Variants in ATG7 observed in about 807,000 individuals in gnomAD.
ATG7 encodes the protein ubiquitin-like modifier-activating enzyme ATG7.
In ATG7, 70 loss-of-function variants were observed where a neutral mutation model predicts 82.4. The ratio of observed to expected loss-of-function variants is 0.85; its 90% CI spans 0.70 to 1.04. The LOEUF is 1.04. ATG7 is among the 50% of genes least tolerant of loss of function. The probability of loss-of-function intolerance (pLI) is 0.00; values close to 1 mark genes in which losing one functional copy is unlikely to be tolerated. For missense variants in ATG7, 792 were observed against 864.3 expected (o/e 0.92, Z 1.05); for synonymous variants, 287 against 313.0 (o/e 0.92, Z 0.88).
intron 19 of ATG7, among the ~76,000 whole-genome samples, chr3:11,383,357 G>T (rs181325445): frequency 2.6e-5 from 4 of 152,150 alleles, no homozygotes; most frequent in Admixed American, 1.3e-4. Flanking sequence ...CCTATGATTC[G>T]ATTCAGGTTA....
intron 19 of ATG7, among the ~76,000 whole-genome samples, chr3:11,426,278 A>G (rs1305197821): frequency 2.0e-5 from 3 of 151,960 alleles, no homozygotes; most frequent in African/African-American, 7.3e-5. Context: ...CATATCAACT[A>G]CTCATGCCAT....
At chr3:11,431,893 C>T (rs1476112529) in intron 20 of ATG7, among the ~76,000 whole-genome samples, 1 of 152,168 alleles carries the variant, frequency 6.6e-6, no homozygotes, top group African/African-American at 2.4e-5. Flanking sequence ...AATTGGAAGC[C>T]ATATCCAAGC....
intron 19 of ATG7, among the ~76,000 whole-genome samples, chr3:11,384,371 C>G (rs541774003): frequency 6.6e-6 from 1 of 152,316 alleles, no homozygotes; most frequent in South Asian, 2.1e-4. Flanking sequence ...GAAACCTGAT[C>G]TTGAGATTTC....
intron 20 of ATG7, among the ~76,000 whole-genome samples, chr3:11,434,405 C>G (rs565888935): frequency 2.6e-4 from 39 of 152,270 alleles, no homozygotes; most frequent in African/African-American, 7.0e-4. Flanking sequence ...CCAGAGCCTT[C>G]TGCTAGCTCA....
chr3:11,388,979 G>A (rs1412852211), intron 19 of ATG7, among the ~76,000 whole-genome samples: 9 of 151,972 alleles, frequency 5.9e-5, no homozygotes, highest in Non-Finnish European at 5.9e-5. Flanking sequence ...CTGGCATGGT[G>A]GTTCACACCT....
At chr3:11,426,063 C>T (rs561881244) in intron 19 of ATG7, among the ~76,000 whole-genome samples, 2 of 140,200 alleles carry the variant, frequency 1.4e-5, no homozygotes, top group Admixed American at 7.0e-5. Context: ...TCATGAATAG[C>T]GCTGCTGTGG....
intron 19 of ATG7, among the ~76,000 whole-genome samples, chr3:11,415,550 T>A (rs1164463672): frequency 6.6e-6 from 1 of 152,212 alleles, no homozygotes; most frequent in Non-Finnish European, 1.5e-5. Context: ...TTTTTTCCTT[T>A]AAAAATTTTT....
chr3:11,445,920 C>T (rs2084505098), intron 20 of ATG7, among the ~76,000 whole-genome samples: 1 of 152,068 alleles, frequency 6.6e-6, no homozygotes, highest in African/African-American at 2.4e-5. Flanking sequence ...ATGTATATTA[C>T]TTATTTGGAT....
chr3:11,340,730 TAAA>T lies in ATG7; in HGVS notation c.977_979del (p.Lys326del). ...TGAACCTCAGTGAATGTATGGACCC[TAAA>T]AGGTATATTTGGGAAGCTGTTTTCT... is the stretch of plus-strand genomic sequence containing the variant. On this transcript the variant is annotated inframe_deletion and splice_region_variant, in exon 12 of 21. Coordinates refer to ENST00000693202, the MANE Select transcript of ATG7 (RefSeq NM_001349232.2). 6.2e-7 allele frequency: 1 copy of T among 1,613,116 alleles called. No individual in the cohort carries two copies. Among genetic ancestry groups the T allele is most frequent in the Non-Finnish European group, 8.5e-7 (1 of 1,179,394 alleles).
chr3:11,416,867 C>G (rs116741881), intron 19 of ATG7, among the ~76,000 whole-genome samples: 77 of 152,222 alleles, frequency 5.1e-4, no homozygotes, highest in African/African-American at 1.9e-3. Context: ...GCATTTCTTT[C>G]CCTGCATCTC....
At chr3:11,402,483 C>A (rs774715553) in intron 19 of ATG7, among the ~76,000 whole-genome samples, 1 of 152,110 alleles carries the variant, frequency 6.6e-6, no homozygotes, top group Non-Finnish European at 1.5e-5. Context: ...GCTGATAAGA[C>A]CCTGAAAAAC....
At chr3:11,306,488 A>C (rs1303423223) in intron 5 of ATG7, among the ~76,000 whole-genome samples, 1 of 152,244 alleles carries the variant, frequency 6.6e-6, no homozygotes, top group Non-Finnish European at 1.5e-5. Flanking sequence ...GAGGTGGCGT[A>C]GGCACAGCAC....
chr3:11,470,946 A>G (rs1483924360), intron 20 of ATG7, among the ~76,000 whole-genome samples: 1 of 152,172 alleles, frequency 6.6e-6, no homozygotes, highest in Non-Finnish European at 1.5e-5. Flanking sequence ...TTCTCCAGTC[A>G]TCTGCATGGG....
intron 9 of ATG7, among the ~76,000 whole-genome samples, chr3:11,319,049 C>T (rs1419229446): frequency 6.6e-6 from 1 of 152,220 alleles, no homozygotes; most frequent in East Asian, 1.9e-4. Flanking sequence ...CACTCTGCGT[C>T]CTCAACATTT....
intron 20 of ATG7, among the ~76,000 whole-genome samples, chr3:11,504,557 G>T (rs945032601): frequency 6.6e-6 from 1 of 152,246 alleles, no homozygotes; most frequent in Non-Finnish European, 1.5e-5. Context: ...AGGATGACTA[G>T]AACAGACTGG....
At chr3:11,471,353 G>A (rs376836221) in intron 20 of ATG7, among the ~76,000 whole-genome samples, 208 of 152,188 alleles carry the variant, frequency 1.4e-3, no homozygotes, top group Middle Eastern at 0.01. Flanking sequence ...GGCTACTTGG[G>A]TTCTGCCCCA....
At chr3:11,446,227 C>T (rs545989412) in intron 20 of ATG7, among the ~76,000 whole-genome samples, 9 of 151,326 alleles carry the variant, frequency 5.9e-5, no homozygotes, top group African/African-American at 2.2e-4. Context: ...GTTTAGACCA[C>T]ATCTGCACCA....
intron 20 of ATG7, among the ~76,000 whole-genome samples, chr3:11,542,296 C>T (rs996618480): frequency 5.3e-5 from 8 of 149,582 alleles, no homozygotes; most frequent in African/African-American, 2.0e-4. Flanking sequence ...GCGACATCCC[C>T]AGAGGGAGGG....
chr3:11,430,615 A>T (rs184802139), intron 20 of ATG7, among the ~76,000 whole-genome samples: 1 of 152,246 alleles, frequency 6.6e-6, no homozygotes, highest in Non-Finnish European at 1.5e-5. Context: ...TGTTTAAAAA[A>T]TATACTGAAC....
Sources: gnomAD v4.1 joint callset for allele counts (sites outside exome capture counted in the v4.1 genomes callset) on GRCh38, gnomAD v4.1.1 for gene constraint, MANE v1.5 for transcripts, NCBI Gene and HGNC (gene_info 2026-07-23, HGNC 2026-07-21) for gene names.